GPC6: variants seen among roughly 807,000 people sequenced by gnomAD.
GPC6 encodes the protein glypican 6.
A neutral mutation model predicts 55.2 loss-of-function variants in GPC6; 14 were observed. The ratio of observed to expected loss-of-function variants is 0.25; its 90% CI spans 0.17 to 0.40. The LOEUF is 0.40. Ranked by LOEUF, GPC6 falls within the 10% of genes least tolerant of loss-of-function variation. The pLI is 1.00. For missense variants in GPC6, 641 were observed against 708.5 expected, an observed-to-expected ratio of 0.90 and a Z score of 1.08; for synonymous variants, 278 against 259.6, an observed-to-expected ratio of 1.07 and a Z score of -0.68.
intron 2 of GPC6, among the ~76,000 whole-genome samples, chr13:93,687,876 A>G (rs1382003062): frequency 1.3e-5 from 2 of 150,688 alleles, no homozygotes; most frequent in Admixed American, 6.6e-5. Flanking sequence ...TCAAAGCCTT[A>G]GGATTTTTGT....
At chr13:93,556,410 A>G (rs1368767207) in intron 2 of GPC6, among the ~76,000 whole-genome samples, 23 of 114,842 alleles carry the variant, frequency 2.0e-4, no homozygotes, top group Non-Finnish European at 2.6e-4. Flanking sequence ...ATGTATATGT[A>G]TATATATATA....
At chr13:94,050,749 A>G (rs887015908) in intron 4 of GPC6, among the ~76,000 whole-genome samples, 2 of 152,126 alleles carry the variant, frequency 1.3e-5, no homozygotes, top group Non-Finnish European at 2.9e-5. Flanking sequence ...AAATTTGCCA[A>G]TCCTCTTACT....
chr13:94,012,597 G>A (rs1444200212), intron 3 of GPC6, among the ~76,000 whole-genome samples: 2 of 152,180 alleles, frequency 1.3e-5, no homozygotes, highest in Non-Finnish European at 1.5e-5. Flanking sequence ...ACCACAATGT[G>A]TTGTGTCCGT....
chr13:93,341,328 T>C (rs1328411927), intron 1 of GPC6, among the ~76,000 whole-genome samples: 1 of 152,244 alleles, frequency 6.6e-6, no homozygotes, highest in African/African-American at 2.4e-5. Flanking sequence ...TTCCATACTG[T>C]TTTCCATAGT....
intron 4 of GPC6, among the ~76,000 whole-genome samples, chr13:94,218,488 C>G (rs1046863159): frequency 2.0e-5 from 3 of 152,170 alleles, no homozygotes; most frequent in African/African-American, 7.2e-5. Context: ...AATCCCAGTG[C>G]ACCCCGTTAT....
At chr13:94,320,151 A>G (rs1329062711) in intron 6 of GPC6, among the ~76,000 whole-genome samples, 3 of 152,168 alleles carry the variant, frequency 2.0e-5, no homozygotes, top group Admixed American at 1.3e-4. Flanking sequence ...AGCTAATTAA[A>G]TTATTTTATT....
intron 1 of GPC6, among the ~76,000 whole-genome samples, chr13:93,539,853 G>A (rs776333553): frequency 2.0e-5 from 3 of 151,850 alleles, no homozygotes; most frequent in East Asian, 1.9e-4. Context: ...CACCACTCCC[G>A]GCTAATTTTG....
intron 3 of GPC6, among the ~76,000 whole-genome samples, chr13:94,008,567 G>A (rs773503710): frequency 6.6e-5 from 10 of 152,002 alleles, no homozygotes; most frequent in East Asian, 1.9e-4. Flanking sequence ...CAGGAGAATC[G>A]CTTGAACCCA....
intron 2 of GPC6, among the ~76,000 whole-genome samples, chr13:93,739,961 G>A (rs1254688745): frequency 6.6e-6 from 1 of 152,036 alleles, no homozygotes; most frequent in African/African-American, 2.4e-5. Flanking sequence ...TCGAGAGAAG[G>A]GTTTTCATTG....
At chr13:94,176,974 A>G (rs1888798725) in intron 4 of GPC6, among the ~76,000 whole-genome samples, 1 of 152,218 alleles carries the variant, frequency 6.6e-6, no homozygotes, top group Non-Finnish European at 1.5e-5. Flanking sequence ...CAAACTACCA[A>G]TGACAAATGC....
chr13:94,335,377 C>A (rs1208316915), intron 6 of GPC6, among the ~76,000 whole-genome samples: 2 of 152,126 alleles, frequency 1.3e-5, no homozygotes, highest in Admixed American at 6.5e-5. Flanking sequence ...AGTCTCCGAG[C>A]CACACTGGGT....
At chr13:94,362,569 G>C (rs1879106810) in intron 6 of GPC6, among the ~76,000 whole-genome samples, 1 of 152,126 alleles carries the variant, frequency 6.6e-6, no homozygotes, top group Non-Finnish European at 1.5e-5. Flanking sequence ...ACAAAGACTG[G>C]ACAACACTGC....
intron 4 of GPC6, among the ~76,000 whole-genome samples, chr13:94,049,865 G>A (rs1158632250): frequency 1.3e-5 from 2 of 152,020 alleles, no homozygotes; most frequent in African/African-American, 2.4e-5. Flanking sequence ...GTTGTGGGAG[G>A]GACCAGGTAG....
intron 2 of GPC6, among the ~76,000 whole-genome samples, chr13:93,730,622 T>A (rs1883789682): frequency 6.6e-6 from 1 of 152,210 alleles, no homozygotes; most frequent in Non-Finnish European, 1.5e-5. Flanking sequence ...CTCCTCTGGT[T>A]GATATGTGCT....
intron 6 of GPC6, among the ~76,000 whole-genome samples, chr13:94,341,665 C>A (rs1189955163): frequency 1.3e-5 from 2 of 151,388 alleles, no homozygotes; most frequent in Non-Finnish European, 2.9e-5. Flanking sequence ...TGGATTTGGT[C>A]TAATATTTTC....
intron 4 of GPC6, among the ~76,000 whole-genome samples, chr13:94,220,319 C>T (rs963151403): frequency 1.3e-5 from 2 of 152,066 alleles, no homozygotes; most frequent in East Asian, 3.9e-4. Flanking sequence ...TCATAGGAGT[C>T]CAGCTTGTTC....
intron 2 of GPC6, among the ~76,000 whole-genome samples, chr13:93,760,916 G>A (rs1884933323): frequency 6.6e-6 from 1 of 152,088 alleles, no homozygotes; most frequent in Non-Finnish European, 1.5e-5. Context: ...TGTTGCTATT[G>A]TTCTTAAGTG....
chr13:93,477,122 G>A (rs1343389079), intron 1 of GPC6, among the ~76,000 whole-genome samples: 1 of 151,994 alleles, frequency 6.6e-6, no homozygotes, highest in African/African-American at 2.4e-5. Context: ...GGGAATGGGT[G>A]ATGCATTCCC....
intron 2 of GPC6, among the ~76,000 whole-genome samples, chr13:93,563,325 T>C (rs867432481): frequency 4.6e-5 from 7 of 152,220 alleles, no homozygotes; most frequent in South Asian, 2.1e-4. Flanking sequence ...TTGGGAGATA[T>C]AGCCACCAAC....
Sources: gnomAD v4.1 joint callset for allele counts (sites outside exome capture counted in the v4.1 genomes callset) on GRCh38, gnomAD v4.1.1 for gene constraint, MANE v1.5 for transcripts, NCBI Gene and HGNC (gene_info 2026-07-23, HGNC 2026-07-21) for gene names.